Variants in LRRIQ1 observed in about 807,000 individuals in gnomAD.
LRRIQ1 encodes the protein leucine-rich repeat- and IQ domain-containing protein 1.
Under a neutral mutation model 211.9 loss-of-function variants are expected in LRRIQ1, and 210 were observed. The observed-to-expected ratio is 0.99, with a 90% CI of 0.89 to 1.11. LRRIQ1 has a LOEUF of 1.11. Ranked by LOEUF, LRRIQ1 falls within the 50% of genes most tolerant of loss-of-function variation. LRRIQ1 has a pLI of 0.00. For missense variants in LRRIQ1, 2,136 were observed against 1,939.5 expected (o/e 1.10, Z -1.90); for synonymous variants, 699 against 650.1 (o/e 1.08, Z -1.14).
rs770774476 is a variant in LRRIQ1, at chr12:85,219,853, A to G, written c.4823-9664A>G. ...TTATAGAGTTACTGGTTTCGTGCCAATGCTGTCAACTTTCCAACAACAGAT... is the reference window on the plus strand; with the variant it reads ...TTATAGAGTTACTGGTTTCGTGCCAGTGCTGTCAACTTTCCAACAACAGAT... On this transcript the variant is annotated intron_variant, in intron 24 of 26. Coordinates refer to ENST00000393217, the MANE Select transcript of LRRIQ1 (RefSeq NM_001079910.2). Among the ~76,000 whole-genome samples, 24 of 152,256 alleles carry G rather than the reference A, an allele frequency of 1.6e-4. 1 individual carries two copies. Among genetic ancestry groups the G allele is most frequent in the African/African-American group, 5.3e-4 (22 of 41,550 alleles).
chr12:85,192,986 TATATAATATA>T (rs1277308184), intron 24 of LRRIQ1, among the ~76,000 whole-genome samples: 1 of 71,448 alleles, frequency 1.4e-5, no homozygotes, highest in East Asian at 3.2e-4. Context: ...AATATATAAT[TATATAATATA>T]ATATATAAAT....
Position 85,124,521 on chromosome 12 carries a change from T to G in LRRIQ1, c.4007+2T>G. The G allele has an allele frequency of 6.3e-7, 1 of 1,592,666 alleles. No individual in the cohort carries two copies. Among genetic ancestry groups the G allele is most frequent in the Non-Finnish European group, 8.6e-7 (1 of 1,165,210 alleles). The stretch of plus-strand genomic sequence containing the variant: ...AAATATTGAGCCTAGTGAAAAAATG[T>G]AAGATATATAAATAATGTTTCTTTT... On this transcript the variant is annotated splice_donor_variant, in intron 17 of 26. Transcript: ENST00000393217. LOFTEE classifies it high-confidence loss of function.
At chr12:85,241,915 G>C (rs1034155234) in intron 26 of LRRIQ1, among the ~76,000 whole-genome samples, 9 of 151,954 alleles carry the variant, frequency 5.9e-5, no homozygotes, top group African/African-American at 2.2e-4. Context: ...TAATTAAGTT[G>C]CCAAAGTTGG....
chr12:85,228,404 A>G (rs1894773197), intron 24 of LRRIQ1, among the ~76,000 whole-genome samples: 1 of 152,186 alleles, frequency 6.6e-6, no homozygotes, highest in African/African-American at 2.4e-5. Flanking sequence ...CTCTAATTGT[A>G]GCAACTATGG....
chr12:85,064,025 T>C (rs1033773751), intron 8 of LRRIQ1, among the ~76,000 whole-genome samples: 1 of 151,866 alleles, frequency 6.6e-6, no homozygotes, highest in Non-Finnish European at 1.5e-5. Flanking sequence ...TTCATTATAC[T>C]GATTTCATTT....
At chr12:85,216,881 T>G (rs79593482) in intron 24 of LRRIQ1, among the ~76,000 whole-genome samples, 1 of 151,912 alleles carries the variant, frequency 6.6e-6, no homozygotes, top group Non-Finnish European at 1.5e-5. Flanking sequence ...GATAAAACTT[T>G]GGCATTAATA....
At chr12:85,145,363 C>G (rs1174533460) in intron 19 of LRRIQ1, among the ~76,000 whole-genome samples, 1 of 151,538 alleles carries the variant, frequency 6.6e-6, no homozygotes, top group Admixed American at 6.6e-5. Flanking sequence ...GATTTGTTGC[C>G]TCTCTGAAAT....
chr12:85,159,539 G>A (rs1336609321), intron 23 of LRRIQ1: 1 of 151,968 alleles, frequency 6.6e-6, no homozygotes, highest in Non-Finnish European at 1.5e-5. Flanking sequence ...GAGACAGAAG[G>A]TGAGAACAGT....
chr12:85,237,928 C>A (rs144678001), intron 26 of LRRIQ1, among the ~76,000 whole-genome samples: 1 of 151,902 alleles, frequency 6.6e-6, no homozygotes, highest in East Asian at 1.9e-4. Flanking sequence ...GGAAAATGAG[C>A]CTTGTAAGAA....
intron 24 of LRRIQ1, among the ~76,000 whole-genome samples, chr12:85,227,776 A>G (rs943118309): frequency 3.3e-5 from 5 of 152,170 alleles, no homozygotes; most frequent in Admixed American, 1.3e-4. Context: ...AAACTATACT[A>G]CAAGGCTACA....
intron 10 of LRRIQ1, among the ~76,000 whole-genome samples, chr12:85,068,398 G>T (rs1212062293): frequency 2.6e-5 from 4 of 151,636 alleles, no homozygotes; most frequent in Admixed American, 2.6e-4. Context: ...TTCTTTTATT[G>T]TGGAAAATTT....
downstream of LRRIQ1, among the ~76,000 whole-genome samples, chr12:85,266,432 T>C (rs1036196041): frequency 6.6e-6 from 1 of 152,128 alleles, no homozygotes; most frequent in Non-Finnish European, 1.5e-5. Flanking sequence ...AAGAATCATA[T>C]GATTATGTTT....
rs778175476 is a variant in LRRIQ1 at position 85,121,902 on chromosome 12, G to A, written c.3557+26G>A. The A allele has an allele frequency of 4.6e-6, 7 of 1,506,752 alleles. No homozygotes were observed. In the South Asian group the frequency reaches 6.3e-5, roughly 13 times the overall value. The allele number at this position is 1,506,752 out of a possible 1,614,324, so 93.3% of individuals were successfully genotyped here. ...GTAAGATTGTGATCTTCCCATTGAT[G>A]TATTTAGAATCAATAATGTAATTTA... On this transcript the variant is annotated intron_variant, in intron 16 of 26. Coordinates refer to ENST00000393217, the MANE Select transcript of LRRIQ1 (RefSeq NM_001079910.2).
intron 1 of LRRIQ1, among the ~76,000 whole-genome samples, chr12:85,257,549 C>A (rs752396298): frequency 1.3e-5 from 2 of 151,498 alleles, no homozygotes; most frequent in African/African-American, 4.8e-5. Context: ...TTGGATTACA[C>A]TTTTGATTAT....
chr12:85,201,412 C>A (rs1382236892), intron 24 of LRRIQ1, among the ~76,000 whole-genome samples: 2 of 151,644 alleles, frequency 1.3e-5, no homozygotes, highest in African/African-American at 4.8e-5. Flanking sequence ...GGCTGGGAAT[C>A]CTCATCCTGG....
At chr12:85,158,970 AT>A (rs1048115370) in intron 23 of LRRIQ1, among the ~76,000 whole-genome samples, 1 of 151,536 alleles carries the variant, frequency 6.6e-6, no homozygotes, top group East Asian at 1.9e-4. Flanking sequence ...AAATCAAGTG[AT>A]TTTTTTTCTA....
At chr12:85,261,981 G>C (rs894959019) in intron 1 of LRRIQ1, among the ~76,000 whole-genome samples, 3 of 151,854 alleles carry the variant, frequency 2.0e-5, no homozygotes, top group African/African-American at 7.2e-5. Context: ...ATAGAGACAG[G>C]GTTTCGCCAT....
At chr12:85,165,246 A>G (rs1006638065) in intron 24 of LRRIQ1, among the ~76,000 whole-genome samples, 1 of 152,024 alleles carries the variant, frequency 6.6e-6, no homozygotes, top group African/African-American at 2.4e-5. Context: ...CCAGATAAAG[A>G]GCATAGTAAC....
intron 19 of LRRIQ1, among the ~76,000 whole-genome samples, chr12:85,147,745 G>A (rs1029697524): frequency 6.6e-6 from 1 of 150,732 alleles, no homozygotes; most frequent in African/African-American, 2.4e-5. Context: ...GAATGCTACT[G>A]AGGCACATTT....
Sources: gnomAD v4.1 joint callset for allele counts (sites outside exome capture counted in the v4.1 genomes callset) on GRCh38, gnomAD v4.1.1 for gene constraint, MANE v1.5 for transcripts, NCBI Gene and HGNC (gene_info 2026-07-23, HGNC 2026-07-21) for gene names.